The following PAN3 variants were observed in gnomAD, a reference collection of about 807,000 sequenced individuals.
PAN3 encodes the protein PAN2-PAN3 deadenylation complex subunit PAN3.
A neutral mutation model predicts 96.2 loss-of-function variants in PAN3; 19 were observed. That is an observed-to-expected ratio of 0.20 (90% confidence interval 0.14 to 0.29). PAN3 has a LOEUF of 0.29. Ranked by LOEUF, PAN3 falls within the 10% of genes least tolerant of loss-of-function variation. The pLI, the probability that PAN3 is intolerant of heterozygous loss-of-function variation, is 1.00. For synonymous variants in PAN3, 433 were observed against 406.6 expected, an observed-to-expected ratio of 1.06 and a Z score of -0.78; for missense variants, 882 against 1,108.1, an observed-to-expected ratio of 0.80 and a Z score of 2.90.
At chr13:28,282,342 T>TTA (rs1555294695) in intron 17 of PAN3, among the ~76,000 whole-genome samples, 1 of 148,430 alleles carries the variant, frequency 6.7e-6, no homozygotes, top group African/African-American at 2.5e-5. Flanking sequence ...GAGGGGTTGT[T>TTA]TTTTTTTTTT....
chr13:28,219,318 T>TTTTA (rs768645691), intron 5 of PAN3, among the ~76,000 whole-genome samples: 1 of 152,176 alleles, frequency 6.6e-6, no homozygotes, highest in Non-Finnish European at 1.5e-5. Context: ...TTTTATCACT[T>TTTTA]TTTATTTAAC....
At chr13:28,254,577 TATA>T (rs1452250025) in intron 6 of PAN3, among the ~76,000 whole-genome samples, 3 of 152,172 alleles carry the variant, frequency 2.0e-5, no homozygotes, top group Non-Finnish European at 2.9e-5. Context: ...AATAGTCTAA[TATA>T]ATTTTTGCTG....
At chr13:28,256,130 C>G (rs1310853087) in intron 6 of PAN3, among the ~76,000 whole-genome samples, 162 bp from the exon 7 acceptor site, 6 of 152,136 alleles carry the variant, frequency 3.9e-5, no homozygotes, top group Non-Finnish European at 8.8e-5. Context: ...TTAATCAGAG[C>G]TTTTTCTACA....
chr13:28,217,320 G>A (rs1047690047), intron 5 of PAN3, among the ~76,000 whole-genome samples: 6 of 151,934 alleles, frequency 3.9e-5, no homozygotes, highest in Non-Finnish European at 5.9e-5. Context: ...AGTGGCTCAC[G>A]CCTGTAATCT....
Position 28,174,290 on chromosome 13 carries a change from G to A in PAN3, c.449G>A (p.Gly150Asp), listed in dbSNP as rs1874668203. 1 of 1,612,066 alleles carries A rather than the reference G, an allele frequency of 6.2e-7. No individual in the cohort carries two copies. The highest frequency in any genetic ancestry group is 8.5e-7 in the Non-Finnish European group (1 of 1,178,500). Residue 150 changes from glycine to aspartate, a missense_variant, in exon 2 of 19, where the codon GGT becomes GAT. Gly to Asp is a moderately conservative substitution (Grantham distance 94). Transcript: ENST00000380958. ...PRLAIPGMDGGALTDTSLTDS... is the reference protein window; with the variant it reads ...PRLAIPGMDGDALTDTSLTDS... ...CTTTCAGTTCCAGGAATGGATGGAG[G>A]TGCTTTAACTGATACAAGTCTCACA...
intron 1 of PAN3, among the ~76,000 whole-genome samples, chr13:28,155,843 C>A (rs1230585335): frequency 6.6e-6 from 1 of 152,048 alleles, no homozygotes; most frequent in Admixed American, 6.6e-5. Context: ...AAAGGGCATT[C>A]TAGGTAGATG....
At chr13:28,218,765 A>G (rs1362151490) in intron 5 of PAN3, among the ~76,000 whole-genome samples, 6 of 152,216 alleles carry the variant, frequency 3.9e-5, no homozygotes, top group Admixed American at 3.3e-4. Flanking sequence ...TGTGAAATAG[A>G]AACTGGGTAA....
At chr13:28,212,680 G>A (rs1880190467) in intron 5 of PAN3, among the ~76,000 whole-genome samples, 1 of 152,142 alleles carries the variant, frequency 6.6e-6, no homozygotes, top group Admixed American at 6.5e-5. Flanking sequence ...TTTGAAAGTT[G>A]AAAGCTATAG....
intron 6 of PAN3, among the ~76,000 whole-genome samples, chr13:28,223,705 T>C (rs1037513095): frequency 6.6e-6 from 1 of 152,026 alleles, no homozygotes; most frequent in African/African-American, 2.4e-5. Context: ...CAGAGTGTTA[T>C]ACAGTAAGAA....
At chr13:28,289,613 A>G (rs116967228) in intron 18 of PAN3, among the ~76,000 whole-genome samples, 6,156 of 152,228 alleles carry the variant, frequency 0.04, 138 homozygotes, top group African/African-American at 0.049. Context: ...TAGGCGCAGT[A>G]GCTCGCGCCT....
intron 5 of PAN3, among the ~76,000 whole-genome samples, chr13:28,202,068 CT>C (rs1313559738): frequency 2.0e-4 from 31 of 151,360 alleles, no homozygotes; most frequent in Admixed American, 7.2e-4. Flanking sequence ...TTTTTCCCCC[CT>C]GGATTACTTT....
intron 6 of PAN3, among the ~76,000 whole-genome samples, chr13:28,254,736 G>A (rs1408729888): frequency 6.6e-6 from 1 of 151,956 alleles, no homozygotes; most frequent in Non-Finnish European, 1.5e-5. Context: ...TTTTTTTAAA[G>A]TTTCTTTTAT....
intron 5 of PAN3, chr13:28,215,286 G>A: frequency 1.4e-6 from 1 of 711,132 alleles, no homozygotes; most frequent in Non-Finnish European, 2.6e-6. Context: ...CAAAATTGGT[G>A]GTATTGGTAC....
intron 6 of PAN3, among the ~76,000 whole-genome samples, chr13:28,248,571 C>G (rs1249315326): frequency 1.3e-5 from 2 of 152,022 alleles, no homozygotes; most frequent in African/African-American, 4.8e-5. Context: ...GTCACTCAGA[C>G]CGGAGTTCAG....
intron 5 of PAN3, among the ~76,000 whole-genome samples, chr13:28,206,494 G>T (rs1464827292): frequency 6.6e-6 from 1 of 151,228 alleles, no homozygotes; most frequent in Non-Finnish European, 1.5e-5. Flanking sequence ...GGCTAATTTT[G>T]TATATTTAGT....
At position 28,293,387 on chromosome 13, in the gene PAN3, GTTTTTTTTTTTTTTTTTT is replaced by G. The variant is rs71086844; in HGVS notation, c.*877_*894del. On this transcript the variant is annotated 3_prime_UTR_variant, in exon 19 of 19. Transcript: ENST00000380958. ...ACTTTAGGTTCTTTCCAGTTTGCTG[GTTTTTTTTTTTTTTTTTT>G]TTTTTTTTTTTGGGCGGGGGGGAGG... 9.4e-5 allele frequency: 2 copies of G among 21,356 alleles called. No homozygotes were observed. The highest frequency in any genetic ancestry group is 4.0e-3 in the East Asian group (2 of 506). 1.3% of individuals were successfully genotyped at this position (21,356 alleles called of 1,614,324 possible).
rs1264041949 is a variant in PAN3, at chr13:28,266,888, A to G, written c.1573+12A>G. The G allele has an allele frequency of 3.8e-6, 6 of 1,560,048 alleles. No individual in the cohort carries two copies. The highest frequency in any genetic ancestry group is 1.4e-5 in the African/African-American group (1 of 73,316). The stretch of plus-strand genomic sequence containing the variant: ...TCGGAGGATACATGGTAAGGAAGAT[A>G]AGTTATCTTCTTTTATAATCGTATC... On this transcript the variant is annotated intron_variant, in intron 10 of 18. Transcript: ENST00000380958.
At chr13:28,264,258 G>T (rs765085522) in intron 9 of PAN3, among the ~76,000 whole-genome samples, 32 of 152,026 alleles carry the variant, frequency 2.1e-4, no homozygotes, top group Non-Finnish European at 4.0e-4. Flanking sequence ...AGAAAAACGC[G>T]CCGGGCGCAG....
intron 5 of PAN3, among the ~76,000 whole-genome samples, chr13:28,205,880 AAAG>A (rs1024469851): frequency 6.6e-6 from 1 of 151,988 alleles, no homozygotes; most frequent in African/African-American, 2.4e-5. Flanking sequence ...AAAAAAAAGA[AAAG>A]AAATGCCTCA....
Sources: allele counts gnomAD v4.1 joint callset (sites outside exome capture counted in the v4.1 genomes callset), GRCh38; gene constraint gnomAD v4.1.1; transcripts MANE v1.5; gene names NCBI Gene and HGNC (gene_info 2026-07-23, HGNC 2026-07-21).